The following CEP128 variants were observed in gnomAD, a reference collection of about 807,000 sequenced individuals.
The protein encoded by CEP128 is centrosomal protein 128.
CEP128 carries 132 observed loss-of-function variants against 156.7 expected under a neutral mutation model. The observed-to-expected ratio is 0.84, with a 90% CI of 0.73 to 0.97. The LOEUF is 0.97. CEP128 is among the 50% of genes least tolerant of loss of function. The probability of loss-of-function intolerance (pLI) is 0.00; values close to 1 mark genes in which losing one functional copy is unlikely to be tolerated. For missense variants in CEP128, 1,252 were observed against 1,281.9 expected (o/e 0.98, Z 0.36); for synonymous variants, 469 against 448.9 (o/e 1.04, Z -0.57).
At chr14:80,944,869 G>A (rs1017127664), upstream of CEP128, among the ~76,000 whole-genome samples, 1,842 of 33,210 alleles carry the variant, frequency 0.055, no homozygotes, top group Non-Finnish European at 0.079. Flanking sequence ...AGAAAAAACA[G>A]AACAAAACAA....
At chr14:80,858,176 T>C (rs1162565898) in intron 9 of CEP128, among the ~76,000 whole-genome samples, 26 of 150,326 alleles carry the variant, frequency 1.7e-4, no homozygotes, top group African/African-American at 6.1e-4. Flanking sequence ...CAAAACAGCA[T>C]GGTACTGGTA....
At chr14:80,763,509 T>C (rs1034784534) in intron 16 of CEP128, among the ~76,000 whole-genome samples, 2 of 152,192 alleles carry the variant, frequency 1.3e-5, no homozygotes, top group African/African-American at 4.8e-5. Context: ...CTCCCTACTG[T>C]TCCTGTGTAT....
At chr14:80,822,771 C>A in intron 13 of CEP128, 1 of 764,714 alleles carries the variant, frequency 1.3e-6, no homozygotes, top group Non-Finnish European at 2.4e-6. Context: ...GCACATAAAA[C>A]TGAAGGTGCT....
At chr14:80,527,431 A>T (rs137939958) in intron 22 of CEP128, among the ~76,000 whole-genome samples, 2,312 of 143,926 alleles carry the variant, frequency 0.016, 37 homozygotes, top group Non-Finnish European at 0.022. Flanking sequence ...GCTCTGTCTA[A>T]AAAAAAAAAA....
intron 14 of CEP128, among the ~76,000 whole-genome samples, chr14:80,482,165 A>C (rs978383316): frequency 6.6e-6 from 1 of 152,218 alleles, no homozygotes; most frequent in Non-Finnish European, 1.5e-5. Flanking sequence ...TTACCCAAAC[A>C]ACTATAACAG....
chr14:80,902,754 T>C (rs548137029), intron 6 of CEP128, among the ~76,000 whole-genome samples: 6 of 152,230 alleles, frequency 3.9e-5, no homozygotes, highest in Non-Finnish European at 5.9e-5. Context: ...AAAAAAACAC[T>C]AATGGTAGAA....
At chr14:80,531,701 A>T (rs1889233228) in intron 21 of CEP128, among the ~76,000 whole-genome samples, 1 of 152,210 alleles carries the variant, frequency 6.6e-6, no homozygotes, top group South Asian at 2.1e-4. Context: ...TCAATGAAAT[A>T]AACAATAAAC....
At chr14:80,578,095 T>G (rs967861038) in intron 20 of CEP128, among the ~76,000 whole-genome samples, 4 of 152,218 alleles carry the variant, frequency 2.6e-5, no homozygotes, top group African/African-American at 9.6e-5. Flanking sequence ...TGTTCTTATA[T>G]GTTCCCACAG....
In CEP128 at chr14:80,535,444, T is replaced by A. The variant is rs932883286; in HGVS notation, c.2881-4558A>T. Among the ~76,000 whole-genome samples, 8 of 152,366 alleles carry A rather than the reference T, an allele frequency of 5.3e-5. No individual in the cohort carries two copies. The East Asian group carries it at 1.5e-3, about 29-fold the overall frequency. ...TCCTAACTTCCCTCTAGCTATCAAC[T>A]CTTAGCAGCTAGACTTTGAAGATGT... On this transcript the variant is annotated intron_variant, in intron 21 of 24. Transcript: ENST00000555265.
chr14:80,901,189 G>A (rs989264948), intron 6 of CEP128, among the ~76,000 whole-genome samples: 2 of 151,642 alleles, frequency 1.3e-5, no homozygotes, highest in African/African-American at 4.8e-5. Flanking sequence ...CTGGGCGACA[G>A]AGCGAGACTC....
Position 80,729,076 on chromosome 14 carries a change from T to G in CEP128, c.2806+13999A>C, listed in dbSNP as rs1358454372. 3.8e-4 allele frequency among the ~76,000 whole-genome samples: 21 copies of G among 54,762 alleles called. 1 individual carries two copies. The highest frequency in any genetic ancestry group is 1.0e-3 in the African/African-American group (19 of 19,050). 35.9% of individuals were successfully genotyped at this position (54,762 alleles called of 152,430 possible). The stretch of plus-strand genomic sequence containing the variant: ...TGGTGGGGGTGTGTGTGTGTGTGTG[T>G]GTGTGTGTGTGTGTGTGTGTGTGTG... On this transcript the variant is annotated intron_variant, in intron 19 of 24. Transcript: ENST00000555265.
At chr14:80,669,346 C>T (rs1371802619) in intron 19 of CEP128, among the ~76,000 whole-genome samples, 1 of 151,820 alleles carries the variant, frequency 6.6e-6, no homozygotes, top group African/African-American at 2.4e-5. Flanking sequence ...TTCTGTACAG[C>T]ATAAGAAAAA....
rs71103882 is a variant in CEP128 at position 80,801,910 on chromosome 14, C to CAAAAAAAAAAAAAAAAAAAA, written c.1210-8820_1210-8801dup. 9.2e-5 allele frequency among the ~76,000 whole-genome samples: 4 copies of CAAAAAAAAAAAAAAAAAAAA among 43,374 alleles called. 2 individuals are homozygous for CAAAAAAAAAAAAAAAAAAAA. The highest frequency in any genetic ancestry group is 7.4e-5 in the Non-Finnish European group (2 of 27,048). The allele number at this position is 43,374 out of a possible 152,430, so 28.5% of individuals were successfully genotyped here. The stretch of plus-strand genomic sequence containing the variant: ...GTGACAGTGTGAGACTCTGTCTCCC[C>CAAAAAAAAAAAAAAAAAAAA]AAAAAAAAAAAAAAAAAAAAAAAAA... On this transcript the variant is annotated intron_variant, in intron 13 of 24. Transcript: ENST00000555265.
downstream of CEP128, chr14:80,490,358 T>A (rs545004973): frequency 6.6e-6 from 1 of 152,302 alleles, no homozygotes; most frequent in Admixed American, 6.5e-5. Context: ...TGTGAGCCAC[T>A]GGTATAGAGA....
chr14:80,595,802 G>A (rs1377155830), intron 19 of CEP128, among the ~76,000 whole-genome samples: 1 of 152,140 alleles, frequency 6.6e-6, no homozygotes, highest in East Asian at 1.9e-4. Context: ...TCACAATCAT[G>A]GCAGAAGGCA....
At chr14:80,746,808 C>T (rs1202070262) in intron 18 of CEP128, among the ~76,000 whole-genome samples, 2 of 152,128 alleles carry the variant, frequency 1.3e-5, no homozygotes, top group African/African-American at 4.8e-5. Flanking sequence ...AGACAACCTG[C>T]TAAGTGGCAG....
chr14:80,826,514 G>A (rs778614421), intron 13 of CEP128, among the ~76,000 whole-genome samples: 9 of 152,080 alleles, frequency 5.9e-5, no homozygotes, highest in Non-Finnish European at 8.8e-5. Context: ...CAGTAAAATG[G>A]TCAGCTTTAT....
intron 21 of CEP128, among the ~76,000 whole-genome samples, chr14:80,535,534 C>T (rs1170773217): frequency 6.6e-6 from 1 of 152,182 alleles, no homozygotes; most frequent in Admixed American, 6.5e-5. Flanking sequence ...TGTAATCTCA[C>T]TGGTGCTAAA....
intron 2 of CEP128, among the ~76,000 whole-genome samples, chr14:80,936,967 T>A (rs563941582): frequency 1.1e-4 from 16 of 145,616 alleles, no homozygotes; most frequent in East Asian, 8.0e-4. Context: ...ATTAAAAATT[T>A]AAAAAAAAAA....
Sources: gnomAD v4.1 joint callset for allele counts (sites outside exome capture counted in the v4.1 genomes callset) on GRCh38, gnomAD v4.1.1 for gene constraint, MANE v1.5 for transcripts, NCBI Gene and HGNC (gene_info 2026-07-23, HGNC 2026-07-21) for gene names.